Variants in ZNF532 observed in about 807,000 individuals in gnomAD.
ZNF532 encodes zinc finger protein 532.
ZNF532 carries 22 observed loss-of-function variants against 89.3 expected under a neutral mutation model. The observed-to-expected ratio is 0.25, with a 90% CI of 0.18 to 0.35. The LOEUF (loss-of-function observed/expected upper bound fraction) is 0.35, where lower values mean the gene tolerates loss of function less well. Ranked by LOEUF, ZNF532 falls within the 10% of genes least tolerant of loss-of-function variation. The probability of loss-of-function intolerance (pLI) is 1.00; values close to 1 mark genes in which losing one functional copy is unlikely to be tolerated. For missense variants in ZNF532, 1,132 were observed against 1,643.4 expected, an observed-to-expected ratio of 0.69 and a Z score of 5.38; for synonymous variants, 606 against 649.6, an observed-to-expected ratio of 0.93 and a Z score of 1.02.
chr18:58,917,931 C>G (rs557524445), intron 2 of ZNF532, among the ~76,000 whole-genome samples: 2 of 152,246 alleles, frequency 1.3e-5, no homozygotes, highest in African/African-American at 4.8e-5. Flanking sequence ...TTGGAAGTAG[C>G]TTTTTATGAA....
chr18:58,902,410 G>A (rs983353722), intron 2 of ZNF532, among the ~76,000 whole-genome samples: 13 of 152,022 alleles, frequency 8.6e-5, no homozygotes, highest in African/African-American at 2.7e-4. Flanking sequence ...CCAGACTGGC[G>A]TGCAGTGGCG....
At chr18:58,927,511 A>T (rs939191675) in intron 3 of ZNF532, among the ~76,000 whole-genome samples, 7 of 151,458 alleles carry the variant, frequency 4.6e-5, no homozygotes, top group Non-Finnish European at 1.5e-5. Flanking sequence ...CAAATCTGGG[A>T]TATATGAGGC....
chr18:58,879,608 C>G (rs2057724403), intron 2 of ZNF532, among the ~76,000 whole-genome samples: 1 of 152,152 alleles, frequency 6.6e-6, no homozygotes, highest in African/African-American at 2.4e-5. Flanking sequence ...CTGGGCTGGT[C>G]TCGAACTCCT....
intron 7 of ZNF532, among the ~76,000 whole-genome samples, chr18:58,963,663 A>T (rs908911316): frequency 6.7e-6 from 1 of 150,268 alleles, no homozygotes; most frequent in African/African-American, 2.5e-5. Context: ...ATAAATTTTT[A>T]AAGTGCCCAC....
At position 58,888,855 on chromosome 18, in the gene ZNF532, T is replaced by A. The variant is rs1334674620; in HGVS notation, c.-18+23276T>A. 2.3e-3 allele frequency among the ~76,000 whole-genome samples: 90 copies of A among 39,244 alleles called. 4 individuals carry two copies. The highest frequency in any genetic ancestry group is 8.8e-3 in the African/African-American group (66 of 7,492). The allele number at this position is 39,244 out of a possible 152,430, so 25.7% of individuals were successfully genotyped here. A position where few individuals can be genotyped will look rare whatever the true frequency, so the allele number is the denominator to read the frequency against. On this transcript the variant is annotated intron_variant, in intron 2 of 9. Coordinates refer to ENST00000591808, the MANE Select transcript of ZNF532 (RefSeq NM_001375912.1). ...ATATATATAATTTATATATATATAA[T>A]TTATATATATATAATATATATTATA...
chr18:58,937,292 C>T (rs4940433), intron 4 of ZNF532, among the ~76,000 whole-genome samples: 14,619 of 152,136 alleles, frequency 0.096, 729 homozygotes, highest in Admixed American at 0.13. Flanking sequence ...CTTTCTTTGT[C>T]TTATTTACAT....
intron 7 of ZNF532, among the ~76,000 whole-genome samples, chr18:58,974,802 G>A (rs1376159883): frequency 6.6e-6 from 1 of 152,168 alleles, no homozygotes; most frequent in Non-Finnish European, 1.5e-5. Flanking sequence ...CTCACAAGCT[G>A]CAACCCTCTG....
At chr18:58,881,089 C>G (rs1188508216) in intron 2 of ZNF532, among the ~76,000 whole-genome samples, 3 of 151,588 alleles carry the variant, frequency 2.0e-5, no homozygotes, top group Admixed American at 1.3e-4. Context: ...ATCTGTTTTG[C>G]TTCTTTTTTC....
At chr18:58,972,870 G>A (rs773307591) in intron 7 of ZNF532, among the ~76,000 whole-genome samples, 20 of 152,178 alleles carry the variant, frequency 1.3e-4, no homozygotes, top group South Asian at 4.1e-4. Context: ...TGTTTTCCAA[G>A]TAGACAGTTT....
chr18:58,948,277 A>T, intron 6 of ZNF532, 48 bp downstream of exon 6: 1 of 1,547,162 alleles, frequency 6.5e-7, no homozygotes. Context: ...AGATCCATTC[A>T]TTGGTCATAA....
chr18:58,880,063 A>G (rs1323774166), intron 2 of ZNF532, among the ~76,000 whole-genome samples: 2 of 152,202 alleles, frequency 1.3e-5, no homozygotes, highest in African/African-American at 4.8e-5. Flanking sequence ...TTTTGGTGGA[A>G]GTGTGAAAAA....
At chr18:58,976,411 C>T (rs1016610369) in intron 7 of ZNF532, among the ~76,000 whole-genome samples, 3 of 152,198 alleles carry the variant, frequency 2.0e-5, no homozygotes, top group Non-Finnish European at 4.4e-5. Context: ...TTAAACCCGT[C>T]ACCTTAATAG....
intron 3 of ZNF532, among the ~76,000 whole-genome samples, chr18:58,933,198 T>A (rs2062102087): frequency 6.6e-6 from 1 of 152,178 alleles, no homozygotes; most frequent in South Asian, 2.1e-4. Context: ...TTTTTAATGA[T>A]GCTAACTTCA....
intron 2 of ZNF532, among the ~76,000 whole-genome samples, chr18:58,911,682 G>A (rs910391499): frequency 6.6e-6 from 1 of 152,218 alleles, no homozygotes; most frequent in Non-Finnish European, 1.5e-5. Flanking sequence ...GCCAGGTCCT[G>A]TGTCAAAGGA....
At chr18:58,881,412 C>G (rs1235444251) in intron 2 of ZNF532, among the ~76,000 whole-genome samples, 6 of 152,184 alleles carry the variant, frequency 3.9e-5, no homozygotes, top group Admixed American at 3.3e-4. Flanking sequence ...GGATTACACG[C>G]ATGAGCCACT....
chr18:58,942,854 A>C (rs1391186876), intron 5 of ZNF532, among the ~76,000 whole-genome samples: 1 of 152,256 alleles, frequency 6.6e-6, no homozygotes, highest in African/African-American at 2.4e-5. Context: ...AATAACATAA[A>C]TGTATGCAAA....
chr18:58,908,873 A>G (rs1415852607), intron 2 of ZNF532, among the ~76,000 whole-genome samples: 1 of 152,230 alleles, frequency 6.6e-6, no homozygotes, highest in Non-Finnish European at 1.5e-5. Context: ...TGCTATGTGC[A>G]TTTCAGTCTT....
chr18:58,902,115 T>C (rs530542603), intron 2 of ZNF532, among the ~76,000 whole-genome samples: 2 of 152,242 alleles, frequency 1.3e-5, no homozygotes, highest in African/African-American at 2.4e-5. Context: ...CCATGTCACA[T>C]TGTGGCTGCG....
intron 2 of ZNF532, among the ~76,000 whole-genome samples, chr18:58,881,096 T>C (rs73439903): frequency 0.021 from 3,147 of 151,928 alleles, 115 homozygotes; most frequent in African/African-American, 0.071. Context: ...TTGCTTCTTT[T>C]TTCTTTTTTT....
Sources: allele counts gnomAD v4.1 joint callset (sites outside exome capture counted in the v4.1 genomes callset), GRCh38; gene constraint gnomAD v4.1.1; transcripts MANE v1.5; gene names NCBI Gene and HGNC (gene_info 2026-07-23, HGNC 2026-07-21).